Variants in RFX3 observed in about 807,000 individuals in gnomAD.
RFX3 encodes transcription factor RFX3.
A neutral mutation model predicts 98.6 loss-of-function variants in RFX3; 14 were observed. The observed-to-expected ratio is 0.14, with a 90% CI of 0.09 to 0.22. The LOEUF is 0.22. RFX3 is among the 10% of genes least tolerant of loss of function. RFX3 has a pLI of 1.00. For missense variants in RFX3, 639 were observed against 926.9 expected, an observed-to-expected ratio of 0.69 and a Z score of 4.03; for synonymous variants, 383 against 328.4, an observed-to-expected ratio of 1.17 and a Z score of -1.80.
chr9:3,338,953 G>A (rs957230355), intron 3 of RFX3, among the ~76,000 whole-genome samples: 1 of 151,988 alleles, frequency 6.6e-6, no homozygotes, highest in Admixed American at 6.6e-5. Context: ...GCCGGGCGTG[G>A]TGGCGTGTGG....
intron 15 of RFX3, among the ~76,000 whole-genome samples, chr9:3,229,506 T>C (rs1215776686): frequency 2.6e-5 from 4 of 152,342 alleles, no homozygotes; most frequent in Admixed American, 1.3e-4. Context: ...TGAAACAATA[T>C]AGAACAATTA....
At chr9:3,398,481 A>G (rs2131984144) in intron 1 of RFX3, among the ~76,000 whole-genome samples, 1 of 152,374 alleles carries the variant, frequency 6.6e-6, no homozygotes, top group East Asian at 1.9e-4. Flanking sequence ...GGAATGAACC[A>G]GACATTAGAT....
intron 1 of RFX3, among the ~76,000 whole-genome samples, chr9:3,450,001 A>G (rs1846429375): frequency 6.6e-6 from 1 of 152,096 alleles, no homozygotes; most frequent in African/African-American, 2.4e-5. Flanking sequence ...TTTGGTTTTT[A>G]TAGTTTATGC....
intron 4 of RFX3, among the ~76,000 whole-genome samples, chr9:3,314,767 G>A (rs999079647): frequency 6.6e-6 from 1 of 151,762 alleles, no homozygotes; most frequent in Non-Finnish European, 1.5e-5. Flanking sequence ...AAGACCAAAA[G>A]AGACAAACAG....
intron 2 of RFX3, among the ~76,000 whole-genome samples, chr9:3,354,697 T>C (rs1835542940): frequency 6.6e-6 from 1 of 151,774 alleles, no homozygotes; most frequent in African/African-American, 2.4e-5. Context: ...ATGAAGATAA[T>C]GACAAAAGAA....
At chr9:3,285,252 C>T (rs954985278) in intron 7 of RFX3, among the ~76,000 whole-genome samples, 1 of 151,718 alleles carries the variant, frequency 6.6e-6, no homozygotes, top group African/African-American at 2.4e-5. Context: ...TTTGAAATAT[C>T]TTCTATTTTA....
intron 15 of RFX3, among the ~76,000 whole-genome samples, chr9:3,237,850 T>A (rs1246707548): frequency 6.6e-6 from 1 of 152,140 alleles, no homozygotes; most frequent in Non-Finnish European, 1.5e-5. Flanking sequence ...GGAGCCAGCC[T>A]GACCTGGGTT....
chr9:3,458,699 T>C (rs1246216649), intron 1 of RFX3, among the ~76,000 whole-genome samples: 1 of 152,160 alleles, frequency 6.6e-6, no homozygotes, highest in East Asian at 1.9e-4. Flanking sequence ...AGTCCTGTAG[T>C]TGTAGTTTCT....
Position 3,395,605 on chromosome 9 carries a change from G to A in RFX3, c.-8-9C>T. ...TGTCTGCATGATGGTCTCTGAAATAGATTAAAATGAAATTAAAGTTTAAAA... is the reference window on the plus strand; with the variant it reads ...TGTCTGCATGATGGTCTCTGAAATAAATTAAAATGAAATTAAAGTTTAAAA... On this transcript the variant is annotated splice_polypyrimidine_tract_variant and intron_variant, in intron 1 of 16. Coordinates refer to ENST00000617270, the MANE Select transcript of RFX3 (RefSeq NM_001282116.2). The A allele has an allele frequency of 1.9e-6, 3 of 1,610,836 alleles. No individual in the cohort carries two copies. Among genetic ancestry groups the A allele is most frequent in the Non-Finnish European group, 2.5e-6 (3 of 1,177,568 alleles).
chr9:3,278,063 G>A (rs1406472334), intron 7 of RFX3, among the ~76,000 whole-genome samples: 2 of 151,724 alleles, frequency 1.3e-5, no homozygotes, highest in African/African-American at 4.8e-5. Context: ...TACAAACAGA[G>A]TTTATCAAAT....
intron 5 of RFX3, among the ~76,000 whole-genome samples, chr9:3,296,066 T>C (rs2129811526): frequency 6.6e-6 from 1 of 152,082 alleles, no homozygotes; most frequent in South Asian, 2.1e-4. Context: ...AGGAATTATC[T>C]TGTAGATTAA....
chr9:3,229,620 A>T (rs1417299770), intron 15 of RFX3, among the ~76,000 whole-genome samples: 1 of 152,240 alleles, frequency 6.6e-6, no homozygotes, highest in Non-Finnish European at 1.5e-5. Context: ...ACAAAGATGG[A>T]TACACTGAAA....
At chr9:3,337,649 G>A (rs1218562006) in intron 3 of RFX3, among the ~76,000 whole-genome samples, 1 of 152,166 alleles carries the variant, frequency 6.6e-6, no homozygotes, top group Non-Finnish European at 1.5e-5. Context: ...CAGTGGTGTG[G>A]TGTCTGTACT....
chr9:3,293,684 T>C (rs1468892593), intron 5 of RFX3, among the ~76,000 whole-genome samples: 2 of 152,158 alleles, frequency 1.3e-5, no homozygotes, highest in East Asian at 1.9e-4. Context: ...TATTATAACA[T>C]ATGAACAGCA....
At chr9:3,271,143 T>A (rs771849192) in intron 9 of RFX3, 25 bp from the exon 10 acceptor site, 1 of 1,593,194 alleles carries the variant, frequency 6.3e-7, no homozygotes, top group Admixed American at 1.7e-5. Flanking sequence ...GGTACCAGTA[T>A]TACCTTACAA....
intron 5 of RFX3, among the ~76,000 whole-genome samples, chr9:3,293,520 C>T (rs1470547082): frequency 6.6e-6 from 1 of 152,034 alleles, no homozygotes; most frequent in African/African-American, 2.4e-5. Context: ...ACTAATTTTC[C>T]CTGTATTGAT....
At chr9:3,366,716 TTC>T (rs1837218690) in intron 2 of RFX3, among the ~76,000 whole-genome samples, 2 of 139,696 alleles carry the variant, frequency 1.4e-5, no homozygotes, top group South Asian at 2.3e-4. Flanking sequence ...CTTTCTTTCT[TTC>T]TTTCTTTCTT....
intron 1 of RFX3, among the ~76,000 whole-genome samples, chr9:3,484,422 T>C (rs1850073753): frequency 2.0e-5 from 3 of 151,820 alleles, no homozygotes; most frequent in African/African-American, 4.8e-5. Flanking sequence ...GAGAAAGGGG[T>C]GGGTAGGGAT....
rs576706087 is a variant in RFX3, at chr9:3,396,309, C to T, written c.-8-713G>A. Among the ~76,000 whole-genome samples, 10 of 152,062 alleles carry T rather than the reference C, an allele frequency of 6.6e-5. No homozygotes were observed. The East Asian group carries it at 9.7e-4, about 15-fold the overall frequency. On this transcript the variant is annotated intron_variant, in intron 1 of 16. Transcript: ENST00000617270. ...TGCGGTGTTTGGTTTTTTGTCCTTGCAATAGTTTGCTGAGAATGATGGTTT... is the reference window on the plus strand; with the variant it reads ...TGCGGTGTTTGGTTTTTTGTCCTTGTAATAGTTTGCTGAGAATGATGGTTT...
Sources: allele counts gnomAD v4.1 joint callset (sites outside exome capture counted in the v4.1 genomes callset), GRCh38; gene constraint gnomAD v4.1.1; transcripts MANE v1.5; gene names NCBI Gene and HGNC (gene_info 2026-07-23, HGNC 2026-07-21).